KCNJ5: variants seen among roughly 807,000 people sequenced by gnomAD.
KCNJ5 encodes the protein potassium inwardly rectifying channel subfamily J member 5, also known as G protein-activated inward rectifier potassium channel 4.
A neutral mutation model predicts 20.2 loss-of-function variants in KCNJ5; 12 were observed. The observed-to-expected ratio is 0.59, with a 90% confidence interval of 0.38 to 0.96. The LOEUF (loss-of-function observed/expected upper bound fraction) is 0.96. KCNJ5 is among the 40% of genes least tolerant of loss of function. The pLI is 0.00. For synonymous variants in KCNJ5, 210 were observed against 213.9 expected (o/e 0.98, Z 0.16); for missense variants, 449 against 557.6 (o/e 0.81, Z 1.96).
chr11:128,915,476 C>A (rs1944563234), intron 2 of KCNJ5, among the ~76,000 whole-genome samples: 1 of 152,226 alleles, frequency 6.6e-6, no homozygotes, highest in Admixed American at 6.5e-5. Context: ...CGTGTTCATT[C>A]ATGCTGAATT....
Position 128,911,115 on chromosome 11 carries a change from G to A in KCNJ5, c.-10-149G>A. 1 of 677,990 alleles carries A rather than the reference G, an allele frequency of 1.5e-6. No homozygotes were observed. The highest frequency in any genetic ancestry group is 2.7e-5 in the East Asian group (1 of 37,010). The allele number at this position is 677,990 out of a possible 1,614,324, so 42.0% of individuals were successfully genotyped here. ...ATACAAAAGAACCCTATAAGAGAGTGAGGCCCCTGCCCTTGAGGATTTCAC... is the reference window on the plus strand; with the variant it reads ...ATACAAAAGAACCCTATAAGAGAGTAAGGCCCCTGCCCTTGAGGATTTCAC... On this transcript the variant is annotated intron_variant, in intron 1 of 2. Transcript: ENST00000529694. The surrounding 1 kb of genome is among the most constrained non-coding windows in gnomAD (Gnocchi z 6.3).
chr11:128,895,565 A>C (rs1230263146), intron 1 of KCNJ5, among the ~76,000 whole-genome samples: 1 of 152,230 alleles, frequency 6.6e-6, no homozygotes, highest in Non-Finnish European at 1.5e-5. Flanking sequence ...TCCCCGGCCA[A>C]GTCAGGTTGC....
At chr11:128,897,720 T>C (rs1035255964) in intron 1 of KCNJ5, among the ~76,000 whole-genome samples, 12 of 152,378 alleles carry the variant, frequency 7.9e-5, no homozygotes, top group African/African-American at 2.9e-4. Context: ...GTCTAAGAAC[T>C]CTTTGCCTGC....
chr11:128,907,805 T>C (rs1481160464), intron 1 of KCNJ5, among the ~76,000 whole-genome samples: 1 of 152,234 alleles, frequency 6.6e-6, no homozygotes, highest in African/African-American at 2.4e-5. Context: ...AAAGAGGAAA[T>C]GCTAGAATAT....
chr11:128,916,317 G>T (rs1944581877), intron 2 of KCNJ5, 92 bp from the exon 3 acceptor site: 2 of 953,896 alleles, frequency 2.1e-6, no homozygotes, highest in Non-Finnish European at 3.4e-6. Flanking sequence ...TGGATAGATG[G>T]ATGGATGGAT....
intron 1 of KCNJ5, chr11:128,902,632 C>T: frequency 1.2e-6 from 2 of 1,614,036 alleles, no homozygotes; most frequent in Non-Finnish European, 1.7e-6. Context: ...TATCATGGGC[C>T]TTGCAGATTG....
chr11:128,911,418 C>T lies in KCNJ5; in HGVS notation c.145C>T (p.Pro49Ser), dbSNP rs768356887. The T allele has an allele frequency of 1.2e-6, 2 of 1,614,248 alleles. No homozygotes were observed. Among genetic ancestry groups the T allele is most frequent in the South Asian group, 2.2e-5 (2 of 91,086 alleles). ...GCGCCTGCTGGCCGAGGGCAAGAAG[C>T]CACGCCAGCGCTACATGGAGAAGAG... The part of the protein sequence containing the change: ...RTRLLAEGKK[P>S]RQRYMEKSGK... The change falls in exon 2 of 3, where the codon CCA (proline) becomes TCA (serine). Residue 49 changes from proline (P) to serine (S), a missense_variant. Pro to Ser is a moderately conservative substitution (Grantham distance 74, BLOSUM62 -1). Around this residue, in one of 5 missense-constraint regions of KCNJ5, gnomAD observed 203 missense variants for 258.0 expected, o/e 0.79. Transcript: ENST00000529694. This position sits in a 1 kb window ranked among gnomAD's most constrained non-coding sequence, Gnocchi z 6.3.
chr11:128,917,158 C>A lies in KCNJ5; in HGVS notation c.*427C>A. On this transcript the variant is annotated 3_prime_UTR_variant, in exon 3 of 3. Coordinates refer to ENST00000529694, the MANE Select transcript of KCNJ5 (RefSeq NM_000890.5). ...GCTGTGGACTCAGAGAGGAGACTTA[C>A]CTGATGAGAGCTCAAACCTCTAGTC... 1 of 168,676 alleles carries A rather than the reference C, an allele frequency of 5.9e-6. No individual in the cohort carries two copies. The highest frequency in any genetic ancestry group is 1.3e-5 in the Non-Finnish European group (1 of 78,270). The allele number at this position is 168,676 out of a possible 1,614,324, so 10.4% of individuals were successfully genotyped here. A position where few individuals can be genotyped will look rare whatever the true frequency, so the allele number is the denominator to read the frequency against.
chr11:128,916,895 A>C lies in KCNJ5; in HGVS notation c.*164A>C, dbSNP rs1944592911. ...AAACCCAGCCCTCACAGCTCCCAGC[A>C]CAGGGCCTCCCTGAGCCAGTGGCAT... On this transcript the variant is annotated 3_prime_UTR_variant, in exon 3 of 3. Transcript: ENST00000529694. The C allele has an allele frequency of 9.7e-6, 6 of 620,010 alleles. No individual in the cohort carries two copies. In the Admixed American group the frequency reaches 1.5e-4, roughly 16 times the overall value. 38.4% of individuals were successfully genotyped at this position (620,010 alleles called of 1,614,324 possible).
Position 128,911,984 on chromosome 11 carries a change from G to A in KCNJ5, c.711G>A (p.Lys237=), listed in dbSNP as rs2135999439. 1 of 1,604,568 alleles carries A rather than the reference G, an allele frequency of 6.2e-7. No homozygotes were observed. ...TCGTGGAGGCCTCCATCCGGGCCAA[G>A]CTCATCAAGTCCCGGCAGACCAAAG... ...SHIVEASIRA[K]LIKSRQTKEG... The change falls in exon 2 of 3, where the codon AAG becomes AAA. Residue 237 remains lysine (K), a synonymous_variant. Transcript: ENST00000529694. This position sits in a 1 kb window ranked among gnomAD's most constrained non-coding sequence, Gnocchi z 6.3.
chr11:128,903,146 G>C (rs1458162189), intron 1 of KCNJ5, among the ~76,000 whole-genome samples: 1 of 151,972 alleles, frequency 6.6e-6, no homozygotes, highest in Non-Finnish European at 1.5e-5. Flanking sequence ...CCCAAACCCA[G>C]GGCAAGTTTT....
intron 1 of KCNJ5, among the ~76,000 whole-genome samples, chr11:128,906,375 A>C (rs1478512004): frequency 6.6e-6 from 1 of 152,190 alleles, no homozygotes; most frequent in Non-Finnish European, 1.5e-5. Context: ...ATGACCACAG[A>C]CATAGTGGCT....
At chr11:128,907,098 C>A (rs1944430625) in intron 1 of KCNJ5, among the ~76,000 whole-genome samples, 1 of 152,140 alleles carries the variant, frequency 6.6e-6, no homozygotes, top group African/African-American at 2.4e-5. Context: ...GAAGAGTATA[C>A]AAATATCTCC....
intron 1 of KCNJ5, among the ~76,000 whole-genome samples, chr11:128,899,414 T>G (rs993243258): frequency 2.0e-5 from 3 of 152,238 alleles, no homozygotes; most frequent in Non-Finnish European, 4.4e-5. Context: ...CATCTCATCC[T>G]TTTCACTTGT....
At chr11:128,904,746 T>TGG (rs1944366551) in intron 1 of KCNJ5, 3 of 556,760 alleles carry the variant, frequency 5.4e-6, no homozygotes, top group Non-Finnish European at 9.5e-6. Context: ...GGGTGTTGAG[T>TGG]GGGGGTTCGC....
intron 2 of KCNJ5, among the ~76,000 whole-genome samples, 165 bp from the exon 3 acceptor site, chr11:128,916,244 A>AGATGGATGGATGGATGGATGGATGGATG (rs61176061): frequency 7.7e-6 from 1 of 129,170 alleles, no homozygotes; most frequent in African/African-American, 3.0e-5. Flanking sequence ...ATAGATGATT[A>AGATGGATGGATGGATGGATGGATGGATG]GATGGATGGA....
At chr11:128,891,905 G>A (rs1050356266) in intron 1 of KCNJ5, among the ~76,000 whole-genome samples, 184 bp downstream of exon 1, 22 of 152,234 alleles carry the variant, frequency 1.4e-4, no homozygotes, top group African/African-American at 5.1e-4. Context: ...GGAGATCTCC[G>A]TGGCTGCAGG....
In KCNJ5 at chr11:128,921,018, C is replaced by T. The variant is rs1226476817; in HGVS notation, c.*4287C>T. ...TCGGGGAGAAGCCACTTACTCGGCT[C>T]GCCTTGGTTTTTGCTAACAACGTCT... is the stretch of plus-strand genomic sequence containing the variant. On this transcript the variant is annotated 3_prime_UTR_variant, in exon 3 of 3. Transcript: ENST00000529694. The T allele has an allele frequency of 1.3e-5, 2 of 152,222 alleles. No homozygotes were observed. The highest frequency in any genetic ancestry group is 1.9e-4 in the East Asian group (1 of 5,202). 9.4% of individuals were successfully genotyped at this position (152,222 alleles called of 1,614,324 possible).
chr11:128,903,041 A>G lies in KCNJ5; in HGVS notation c.-10-8223A>G, dbSNP rs538459932. On this transcript the variant is annotated intron_variant, in intron 1 of 2. Coordinates refer to ENST00000529694, the MANE Select transcript of KCNJ5 (RefSeq NM_000890.5). Reference sequence around the variant, plus strand: ...TGCAGTACTGGCTCCACGGCATGGCAAGGCAATAATGAACTAGAGCCGAGT... The same window carrying G: ...TGCAGTACTGGCTCCACGGCATGGCGAGGCAATAATGAACTAGAGCCGAGT... Among the ~76,000 whole-genome samples the G allele has an allele frequency of 8.5e-5, 13 of 152,294 alleles. No homozygotes were observed. The South Asian group carries it at 2.7e-3, about 32-fold the overall frequency.
Sources: gnomAD v4.1 joint callset for allele counts (sites outside exome capture counted in the v4.1 genomes callset) on GRCh38, gnomAD v4.1.1 for gene constraint, gnomAD v4.1.1 regional missense constraint, Gnocchi (gnomAD v3.1) non-coding constraint, MANE v1.5 for transcripts, NCBI Gene and HGNC (gene_info 2026-07-23, HGNC 2026-07-21) for gene names.